The following RAVER2 variants were observed in gnomAD, a reference collection of about 807,000 sequenced individuals.
The protein encoded by RAVER2 is ribonucleoprotein PTB-binding 2.
Under a neutral mutation model 78.1 loss-of-function variants are expected in RAVER2, and 46 were observed. That is an observed-to-expected ratio of 0.59 (90% CI 0.46 to 0.75). The LOEUF is 0.75. Among genes scored for constraint, RAVER2 ranks in the 30% least tolerant of loss-of-function variants. The pLI is 0.00. For synonymous variants in RAVER2, 311 were observed against 313.3 expected (o/e 0.99, Z 0.08); for missense variants, 793 against 837.5 (o/e 0.95, Z 0.66).
intron 4 of RAVER2, among the ~76,000 whole-genome samples, chr1:64,785,702 A>G (rs1407974268): frequency 6.6e-6 from 1 of 152,074 alleles, no homozygotes; most frequent in South Asian, 2.1e-4. Flanking sequence ...GCATAGGTTT[A>G]TCAGAACTTC....
chr1:64,817,797 A>G (rs536149691), intron 11 of RAVER2, among the ~76,000 whole-genome samples: 80 of 152,100 alleles, frequency 5.3e-4, no homozygotes, highest in African/African-American at 1.9e-3. Context: ...GATATACCTA[A>G]TGTAAATGAC....
chr1:64,833,219 C>T (rs1654233013), exon 12 of RAVER2: 1 of 217,700 alleles, frequency 4.6e-6, no homozygotes, highest in African/African-American at 2.3e-5. Context: ...TATTAAAAGG[C>T]ATATGCATGT....
At chr1:64,811,860 A>C (rs923639980) in intron 9 of RAVER2, among the ~76,000 whole-genome samples, 10 of 152,322 alleles carry the variant, frequency 6.6e-5, no homozygotes, top group African/African-American at 2.4e-4. Flanking sequence ...CTGTGCTAGA[A>C]TCCTTACACC....
In RAVER2 at chr1:64,789,519, G is replaced by A. The variant is rs764195179; in HGVS notation, c.1105+5G>A. The A allele has an allele frequency of 3.1e-6, 5 of 1,595,360 alleles. No individual in the cohort carries two copies. Among genetic ancestry groups the A allele is most frequent in the African/African-American group, 1.3e-5 (1 of 74,430 alleles). ...GTGGACGAGCTGTTAAACCAGGTAT[G>A]GACCATGTATGTATACTGATTAATT... On this transcript the variant is annotated splice_donor_5th_base_variant and intron_variant, in intron 5 of 11. Transcript: ENST00000294428.
chr1:64,797,943 T>G (rs557469687), intron 5 of RAVER2, among the ~76,000 whole-genome samples: 1 of 151,654 alleles, frequency 6.6e-6, no homozygotes, highest in South Asian at 2.1e-4. Context: ...TTTATTATAC[T>G]TTAAGTTTTA....
chr1:64,797,364 A>G (rs1217211319), intron 5 of RAVER2, among the ~76,000 whole-genome samples: 2 of 152,198 alleles, frequency 1.3e-5, no homozygotes, highest in African/African-American at 4.8e-5. Flanking sequence ...GCATGATGCT[A>G]TGGACATTTT....
chr1:64,814,205 AT>A (rs1653699672), intron 10 of RAVER2, among the ~76,000 whole-genome samples: 1 of 151,922 alleles, frequency 6.6e-6, no homozygotes, highest in South Asian at 2.1e-4. Context: ...AGCAATTCTT[AT>A]GTCTCAGCCT....
intron 2 of RAVER2, 24 bp from the exon 3 acceptor site, chr1:64,777,599 T>G (rs1434475388): frequency 6.4e-7 from 1 of 1,556,666 alleles, no homozygotes; most frequent in Admixed American, 1.8e-5. Context: ...TGAAAACTCT[T>G]TAATTCATTT....
At chr1:64,792,932 G>A (rs1187797415) in intron 5 of RAVER2, among the ~76,000 whole-genome samples, 5 of 152,198 alleles carry the variant, frequency 3.3e-5, no homozygotes, top group Non-Finnish European at 5.9e-5. Flanking sequence ...GCTGGGTGCT[G>A]TAGTTCACGC....
intron 2 of RAVER2, 142 bp from the exon 3 acceptor site, chr1:64,777,481 A>G (rs1292927217): frequency 7.7e-6 from 5 of 652,786 alleles, no homozygotes; most frequent in Non-Finnish European, 1.3e-5. Context: ...AATGCATTGC[A>G]TATAGTAGGG....
intron 4 of RAVER2, among the ~76,000 whole-genome samples, chr1:64,786,716 C>T (rs1652789927): frequency 6.6e-6 from 1 of 152,020 alleles, no homozygotes; most frequent in African/African-American, 2.4e-5. Context: ...TTGCTTGAAC[C>T]CAGGAAGCAG....
intron 9 of RAVER2, among the ~76,000 whole-genome samples, chr1:64,808,173 A>G (rs1053987547): frequency 6.6e-6 from 1 of 152,120 alleles, no homozygotes; most frequent in African/African-American, 2.4e-5. Flanking sequence ...GAATCATTTT[A>G]TTGGCTAAAA....
intron 1 of RAVER2, among the ~76,000 whole-genome samples, chr1:64,751,095 A>C (rs1570521770): frequency 6.6e-6 from 1 of 152,392 alleles, no homozygotes; most frequent in Non-Finnish European, 1.5e-5. Context: ...CTGTGTTAAC[A>C]GCCATTCCAA....
At chr1:64,774,693 T>A (rs1380164249) in intron 2 of RAVER2, among the ~76,000 whole-genome samples, 2 of 152,194 alleles carry the variant, frequency 1.3e-5, no homozygotes, top group Admixed American at 6.5e-5. Flanking sequence ...TTTAAAGTAG[T>A]TTTTTCCAAT....
intron 1 of RAVER2, among the ~76,000 whole-genome samples, chr1:64,761,196 C>T (rs1447271011): frequency 6.6e-6 from 1 of 152,170 alleles, no homozygotes; most frequent in Non-Finnish European, 1.5e-5. Flanking sequence ...AAATGTGCTC[C>T]TGGCAAAAAG....
intron 1 of RAVER2, among the ~76,000 whole-genome samples, chr1:64,767,896 G>A (rs1457756715): frequency 6.6e-6 from 1 of 151,844 alleles, no homozygotes; most frequent in Non-Finnish European, 1.5e-5. Context: ...GCACCCAAGT[G>A]GATAGAGGTT....
At chr1:64,750,094 T>C (rs1426325101) in intron 1 of RAVER2, among the ~76,000 whole-genome samples, 1 of 152,172 alleles carries the variant, frequency 6.6e-6, no homozygotes, top group Non-Finnish European at 1.5e-5. Flanking sequence ...CATTCTATTG[T>C]CACTTTGGAT....
chr1:64,788,238 C>T (rs916529092), intron 4 of RAVER2, among the ~76,000 whole-genome samples: 5 of 151,996 alleles, frequency 3.3e-5, no homozygotes, highest in Non-Finnish European at 4.4e-5. Context: ...TTTGGGAGGC[C>T]GAGGTGGGTG....
intron 4 of RAVER2, among the ~76,000 whole-genome samples, chr1:64,788,025 T>C (rs539896043): frequency 6.6e-6 from 1 of 152,358 alleles, no homozygotes; most frequent in South Asian, 2.1e-4. Context: ...ATTTATCTTT[T>C]ATGTAATTAT....
Sources: allele counts gnomAD v4.1 joint callset (sites outside exome capture counted in the v4.1 genomes callset), GRCh38; gene constraint gnomAD v4.1.1; transcripts MANE v1.5; gene names NCBI Gene and HGNC (gene_info 2026-07-23, HGNC 2026-07-21).